Variants in TMEM39B observed in about 807,000 individuals in gnomAD.
TMEM39B encodes transmembrane protein 39B.
A neutral mutation model predicts 52.2 loss-of-function variants in TMEM39B; 23 were observed. The ratio of observed to expected loss-of-function variants is 0.44; its 90% CI spans 0.32 to 0.62. TMEM39B has a LOEUF of 0.62. TMEM39B is among the 20% of genes least tolerant of loss of function. The pLI, the probability that TMEM39B is intolerant of heterozygous loss-of-function variation, is 0.06. For missense variants in TMEM39B, 547 were observed against 642.0 expected (o/e 0.85, Z 1.60); for synonymous variants, 285 against 264.0 (o/e 1.08, Z -0.77).
rs146149983 is a variant in TMEM39B, at chr1:32,085,676, G to A, written c.591-5999G>A. Among the ~76,000 whole-genome samples, 1,189 of 151,946 alleles carry A rather than the reference G, an allele frequency of 7.8e-3. 20 individuals carry two copies. Among genetic ancestry groups the A allele is most frequent in the African/African-American group, 0.028 (1,144 of 41,422 alleles). On this transcript the variant is annotated intron_variant, in intron 5 of 8. Coordinates refer to ENST00000336294, the MANE Select transcript of TMEM39B (RefSeq NM_018056.4). ...TGAGGCAGGAGAATTGCTTGAACCCGGGAGGTGGAGGTTGCAGTGAGCTGA... is the reference window on the plus strand; with the variant it reads ...TGAGGCAGGAGAATTGCTTGAACCCAGGAGGTGGAGGTTGCAGTGAGCTGA...
intron 7 of TMEM39B, among the ~76,000 whole-genome samples, chr1:32,096,036 G>A (rs1640794249): frequency 6.6e-6 from 1 of 152,156 alleles, no homozygotes; most frequent in South Asian, 2.1e-4. Flanking sequence ...GATGAGCTGG[G>A]TCCTGCCAGA....
chr1:32,096,577 G>A lies in TMEM39B; in HGVS notation c.1115+1606G>A, dbSNP rs921447198. Among the ~76,000 whole-genome samples, 5 of 147,978 alleles carry A rather than the reference G, an allele frequency of 3.4e-5. No homozygotes were observed. In the East Asian group the frequency reaches 6.1e-4, roughly 18 times the overall value. Reference sequence around the variant, plus strand: ...TGGATTCAAGCGATTCTCCTGCCTCGGGCCTCCCAAGTAGCTGGGATTACA... The same window carrying A: ...TGGATTCAAGCGATTCTCCTGCCTCAGGCCTCCCAAGTAGCTGGGATTACA... On this transcript the variant is annotated intron_variant, in intron 7 of 8. Coordinates refer to ENST00000336294, the MANE Select transcript of TMEM39B (RefSeq NM_018056.4).
intron 1 of TMEM39B, 188 bp downstream of exon 1, chr1:32,073,239 A>G (rs1569846954): frequency 1.9e-6 from 1 of 516,590 alleles, no homozygotes; most frequent in Non-Finnish European, 2.7e-6. Context: ...GGGGCGGGAC[A>G]TTGGACGGTG....
chr1:32,097,199 C>T (rs1269608883), intron 7 of TMEM39B, among the ~76,000 whole-genome samples: 2 of 152,102 alleles, frequency 1.3e-5, no homozygotes, highest in African/African-American at 2.4e-5. Flanking sequence ...CATTTCCAGC[C>T]CTTCAGAAAA....
Position 32,097,878 on chromosome 1 carries a change from C to T in TMEM39B, c.1116-2564C>T, listed in dbSNP as rs1036440984. Among the ~76,000 whole-genome samples the T allele has an allele frequency of 1.1e-4, 16 of 152,016 alleles. 1 individual carries two copies. The South Asian group carries it at 1.2e-3, about 12-fold the overall frequency. On this transcript the variant is annotated intron_variant, in intron 7 of 8. Coordinates refer to ENST00000336294, the MANE Select transcript of TMEM39B (RefSeq NM_018056.4). ...CAATCTCCTGACCTCATGATCCATC[C>T]GCCTCAGCCTCTCAAAGTGCTGAGA...
rs1303568225 is a variant in TMEM39B at position 32,091,735 on chromosome 1, C to T, written c.651C>T (p.Phe217=). 6.2e-7 allele frequency: 1 copy of T among 1,614,124 alleles called. No homozygotes were observed. Among genetic ancestry groups the T allele is most frequent in the East Asian group, 2.2e-5 (1 of 44,888 alleles). The change falls in exon 6 of 9, where the codon TTC becomes TTT. Residue 217 remains phenylalanine, a synonymous_variant. Transcript: ENST00000336294. The part of the protein sequence containing the change: ...LNCDLRKTSL[F]NHMASMGPRE... ...GCGACCTCCGCAAGACAAGCCTCTT[C>T]AACCACATGGCCTCCATGGGGCCCC...
intron 7 of TMEM39B, among the ~76,000 whole-genome samples, chr1:32,099,978 C>T (rs748214317): frequency 5.3e-5 from 8 of 151,842 alleles, no homozygotes; most frequent in Non-Finnish European, 7.4e-5. Flanking sequence ...ACCTGGGAGG[C>T]GGAGGTTGCA....
chr1:32,101,398 A>AT (rs936657063), intron 8 of TMEM39B, among the ~76,000 whole-genome samples: 67 of 151,114 alleles, frequency 4.4e-4, no homozygotes, highest in Admixed American at 1.3e-3. Context: ...AGTGATCTCT[A>AT]TTTTTTTTTA....
At chr1:32,082,996 G>A (rs560394507) in intron 5 of TMEM39B, among the ~76,000 whole-genome samples, 7 of 147,678 alleles carry the variant, frequency 4.7e-5, no homozygotes, top group Non-Finnish European at 8.9e-5. Context: ...GGATGGTCTC[G>A]ATCTCCTGAC....
At chr1:32,086,438 A>G (rs1640353728) in intron 5 of TMEM39B, among the ~76,000 whole-genome samples, 1 of 152,150 alleles carries the variant, frequency 6.6e-6, no homozygotes, top group Non-Finnish European at 1.5e-5. Context: ...TAAGTGTAAA[A>G]TACACACCGA....
intron 5 of TMEM39B, among the ~76,000 whole-genome samples, chr1:32,084,343 T>C (rs553817907): frequency 6.6e-6 from 1 of 152,230 alleles, no homozygotes; most frequent in South Asian, 2.1e-4. Flanking sequence ...AGGTCTGCTG[T>C]ACAGCTCTCA....
chr1:32,073,439 G>A, intron 1 of TMEM39B: 1 of 648,864 alleles, frequency 1.5e-6, no homozygotes, highest in Non-Finnish European at 2.0e-6. Context: ...GCGGTGGAGC[G>A]GGGAGACTTC....
intron 1 of TMEM39B, among the ~76,000 whole-genome samples, chr1:32,074,137 T>C (rs902927029): frequency 2.0e-5 from 3 of 152,068 alleles, no homozygotes; most frequent in Non-Finnish European, 4.4e-5. Context: ...CTGCTCAGCC[T>C]AGTAGGTCCA....
chr1:32,098,423 TCA>T lies in TMEM39B; in HGVS notation c.1116-2016_1116-2015del, dbSNP rs573111093. ...AGGCCCTTGGGATTCCTGGGAGATC[TCA>T]CAGGACATTATAAGAAAGCTCACTG... On this transcript the variant is annotated intron_variant, in intron 7 of 8. Coordinates refer to ENST00000336294, the MANE Select transcript of TMEM39B (RefSeq NM_018056.4). Among the ~76,000 whole-genome samples, 1,269 of 152,140 alleles carry T rather than the reference TCA, an allele frequency of 8.3e-3. 25 individuals are homozygous for T. The highest frequency in any genetic ancestry group is 0.029 in the African/African-American group (1,214 of 41,508).
chr1:32,082,667 G>A (rs1393668022), intron 5 of TMEM39B, among the ~76,000 whole-genome samples: 1 of 151,872 alleles, frequency 6.6e-6, no homozygotes, highest in Admixed American at 6.6e-5. Context: ...TGTTTGCCAG[G>A]CTGGTCTCGA....
At chr1:32,083,503 A>G (rs900130929) in intron 5 of TMEM39B, among the ~76,000 whole-genome samples, 1 of 136,136 alleles carries the variant, frequency 7.3e-6, no homozygotes, top group African/African-American at 2.8e-5. Flanking sequence ...GCTCACTGCA[A>G]CCTTCACTTC....
At chr1:32,073,953 T>G in intron 1 of TMEM39B, 1 of 945,754 alleles carries the variant, frequency 1.1e-6, no homozygotes, top group South Asian at 4.9e-5. Context: ...TTCGCCATGT[T>G]GCCCAGGCTG....
In TMEM39B at chr1:32,100,553, C is replaced by A. The variant is rs769130312; in HGVS notation, c.1227C>A (p.Phe409Leu). Reference sequence around the variant, plus strand: ...CTATCCCCTCTGACGTCTCCCACTTCCGCTTCCATGTGAGTCTCCTCCCCG... The same window carrying A: ...CTATCCCCTCTGACGTCTCCCACTTACGCTTCCATGTGAGTCTCCTCCCCG... ...NVAIPSDVSH[F>L]RFHFFFSKPL... Residue 409 changes from phenylalanine (F) to leucine (L), a missense_variant, in exon 8 of 9, where the codon TTC becomes TTA. Coordinates refer to ENST00000336294, the MANE Select transcript of TMEM39B (RefSeq NM_018056.4). 1 of 1,614,082 alleles carries A rather than the reference C, an allele frequency of 6.2e-7. No homozygotes were observed. The highest frequency in any genetic ancestry group is 8.5e-7 in the Non-Finnish European group (1 of 1,180,014).
At chr1:32,074,383 G>A (rs1019676605) in intron 1 of TMEM39B, among the ~76,000 whole-genome samples, 4 of 152,148 alleles carry the variant, frequency 2.6e-5, no homozygotes, top group East Asian at 1.9e-4. Flanking sequence ...CTGTGACATA[G>A]TGTAAGCTGA....
Sources: allele counts gnomAD v4.1 joint callset (sites outside exome capture counted in the v4.1 genomes callset), GRCh38; gene constraint gnomAD v4.1.1; transcripts MANE v1.5; gene names NCBI Gene and HGNC (gene_info 2026-07-23, HGNC 2026-07-21).